RAB31: variants seen among roughly 807,000 people sequenced by gnomAD.
RAB31 encodes the protein ras-related protein Rab-31.
Under a neutral mutation model 25.6 loss-of-function variants are expected in RAB31, and 21 were observed. The observed-to-expected ratio is 0.82, with a 90% CI of 0.58 to 1.18. The LOEUF (loss-of-function observed/expected upper bound fraction) is 1.18, where lower values mean the gene tolerates loss of function less well. Ranked by LOEUF, RAB31 falls within the 50% of genes most tolerant of loss-of-function variation. RAB31 has a pLI of 0.00. For synonymous variants in RAB31, 87 were observed against 84.0 expected (o/e 1.04, Z -0.20); for missense variants, 196 against 250.1 (o/e 0.78, Z 1.46).
chr18:9,744,503 A>G (rs1448957171), intron 1 of RAB31, among the ~76,000 whole-genome samples: 1 of 152,178 alleles, frequency 6.6e-6, no homozygotes, highest in East Asian at 1.9e-4. Context: ...TTCATTTTGT[A>G]TCTGTATGAG....
intron 1 of RAB31, among the ~76,000 whole-genome samples, chr18:9,763,281 A>G (rs2068298291): frequency 6.6e-6 from 1 of 152,192 alleles, no homozygotes; most frequent in African/African-American, 2.4e-5. Flanking sequence ...ATGAGGAGAC[A>G]GGGCAACTCA....
intron 3 of RAB31, among the ~76,000 whole-genome samples, chr18:9,811,761 T>G (rs1479791203): frequency 6.6e-6 from 1 of 152,172 alleles, no homozygotes; most frequent in Non-Finnish European, 1.5e-5. Context: ...TAATGATAAA[T>G]TAACCACATA....
intron 1 of RAB31, among the ~76,000 whole-genome samples, chr18:9,773,251 T>C (rs2068354704): frequency 1.3e-5 from 2 of 152,150 alleles, no homozygotes; most frequent in African/African-American, 4.8e-5. Flanking sequence ...TAATTCAGAT[T>C]GCCAACTGGT....
At chr18:9,771,139 C>G (rs1459791328) in intron 1 of RAB31, among the ~76,000 whole-genome samples, 6 of 152,058 alleles carry the variant, frequency 3.9e-5, no homozygotes, top group Non-Finnish European at 8.8e-5. Flanking sequence ...CCACTGCATT[C>G]CAGCCTGGGT....
At chr18:9,807,259 G>T (rs980397831) in intron 3 of RAB31, among the ~76,000 whole-genome samples, 31 of 152,198 alleles carry the variant, frequency 2.0e-4, no homozygotes, top group Non-Finnish European at 4.3e-4. Context: ...CCTCAGGGCT[G>T]TGCAGCGAAG....
chr18:9,747,350 T>C (rs1116699), intron 1 of RAB31, among the ~76,000 whole-genome samples: 139,965 of 152,266 alleles, frequency 0.92, 64,494 homozygotes, highest in Admixed American at 0.94. Flanking sequence ...AAGTTAAACA[T>C]AGAGTTACCA....
intron 1 of RAB31, among the ~76,000 whole-genome samples, chr18:9,714,754 G>A (rs188130037): frequency 3.3e-5 from 5 of 152,326 alleles, no homozygotes; most frequent in Non-Finnish European, 7.4e-5. Context: ...AGCTGTGGGT[G>A]GCTGCATGTA....
intron 5 of RAB31, among the ~76,000 whole-genome samples, chr18:9,829,689 G>T (rs748027941): frequency 6.6e-6 from 1 of 152,132 alleles, no homozygotes; most frequent in Non-Finnish European, 1.5e-5. Flanking sequence ...TCCTTGCCAG[G>T]CTTCAGAATT....
At chr18:9,786,450 G>A (rs1236321610) in intron 2 of RAB31, among the ~76,000 whole-genome samples, 1 of 152,236 alleles carries the variant, frequency 6.6e-6, no homozygotes, top group Non-Finnish European at 1.5e-5. Flanking sequence ...GGGTTGGTGG[G>A]AACCCCAACC....
At chr18:9,819,489 A>G (rs1267778472) in intron 5 of RAB31, among the ~76,000 whole-genome samples, 2 of 152,172 alleles carry the variant, frequency 1.3e-5, no homozygotes, top group Non-Finnish European at 2.9e-5. Context: ...TAAGTTTGAA[A>G]TTTAAAACTG....
intron 6 of RAB31, among the ~76,000 whole-genome samples, chr18:9,854,375 A>C (rs1054745056): frequency 2.6e-5 from 4 of 152,106 alleles, no homozygotes; most frequent in Non-Finnish European, 5.9e-5. Context: ...CAGGTGCATC[A>C]CCACTTCTTT....
chr18:9,802,343 T>C (rs2068518116), intron 3 of RAB31, among the ~76,000 whole-genome samples: 1 of 152,214 alleles, frequency 6.6e-6, no homozygotes, highest in East Asian at 1.9e-4. Flanking sequence ...GGAATTTACA[T>C]GTAGGTTAGA....
At chr18:9,814,593 CT>C (rs975255386) in intron 4 of RAB31, 6 of 157,952 alleles carry the variant, frequency 3.8e-5, no homozygotes, top group Non-Finnish European at 5.6e-5. Context: ...GAATTATTTA[CT>C]TTTTTTTCTC....
intron 1 of RAB31, among the ~76,000 whole-genome samples, chr18:9,745,324 G>C (rs1224682337): frequency 6.6e-6 from 1 of 152,088 alleles, no homozygotes; most frequent in East Asian, 1.9e-4. Flanking sequence ...CCAAAAGAAA[G>C]GCTCAGGACC....
At chr18:9,751,368 C>A (rs76729880) in intron 1 of RAB31, among the ~76,000 whole-genome samples, 9 of 152,112 alleles carry the variant, frequency 5.9e-5, no homozygotes, top group Non-Finnish European at 1.2e-4. Context: ...CAAACATTTT[C>A]TGATGGATTA....
intron 5 of RAB31, among the ~76,000 whole-genome samples, chr18:9,818,691 A>G (rs548316370): frequency 6.6e-6 from 1 of 152,260 alleles, no homozygotes; most frequent in South Asian, 2.1e-4. Flanking sequence ...TCTCTCTAGG[A>G]TATGTACTTA....
intron 3 of RAB31, among the ~76,000 whole-genome samples, chr18:9,796,903 ATAT>A (rs1053048805): frequency 3.4e-4 from 52 of 152,266 alleles, no homozygotes; most frequent in African/African-American, 1.0e-3. Flanking sequence ...GCTAAAGTAA[ATAT>A]TAATTAAAGT....
intron 1 of RAB31, among the ~76,000 whole-genome samples, chr18:9,717,253 T>G (rs962406250): frequency 6.6e-6 from 1 of 152,270 alleles, no homozygotes; most frequent in Middle Eastern, 3.4e-3. Flanking sequence ...TGGGATCTTT[T>G]GATGAGTTTT....
intron 5 of RAB31, among the ~76,000 whole-genome samples, chr18:9,829,228 A>T (rs2068665145): frequency 6.6e-6 from 1 of 152,222 alleles, no homozygotes; most frequent in African/African-American, 2.4e-5. Context: ...CTTTGGTGAT[A>T]ACCACTTGTT....
Sources: gnomAD v4.1 joint callset for allele counts (sites outside exome capture counted in the v4.1 genomes callset) on GRCh38, gnomAD v4.1.1 for gene constraint, MANE v1.5 for transcripts, NCBI Gene and HGNC (gene_info 2026-07-23, HGNC 2026-07-21) for gene names.